Variants in GNB3 observed in about 807,000 individuals in gnomAD.
GNB3 encodes the protein G protein subunit beta 3.
In GNB3, 33 loss-of-function variants were observed where a neutral mutation model predicts 41.2. That is an observed-to-expected ratio of 0.80 (90% CI 0.61 to 1.07). The LOEUF (loss-of-function observed/expected upper bound fraction) is 1.07, where lower values mean the gene tolerates loss of function less well. Ranked by LOEUF, GNB3 falls within the 50% of genes least tolerant of loss-of-function variation. The pLI is 0.00. For missense variants in GNB3, 409 were observed against 455.3 expected, an observed-to-expected ratio of 0.90 and a Z score of 0.92; for synonymous variants, 172 against 173.4, an observed-to-expected ratio of 0.99 and a Z score of 0.06.
Position 6,846,993 on chromosome 12 carries a change from G to A in GNB3, c.*95G>A, listed in dbSNP as rs1211379502. ...TCAGGTGTTCTCTTCTATATTCCGG[G>A]TGCCATTCCCACTAAGCTTTCTCCT... On this transcript the variant is annotated 3_prime_UTR_variant, in exon 10 of 10. Coordinates refer to ENST00000229264, the MANE Select transcript of GNB3 (RefSeq NM_002075.4). The A allele has an allele frequency of 2.9e-5, 21 of 731,180 alleles. No individual in the cohort carries two copies. The highest frequency in any genetic ancestry group is 2.1e-4 in the Admixed American group (10 of 47,570). The allele number at this position is 731,180 out of a possible 1,614,324, so 45.3% of individuals were successfully genotyped here. A position where few individuals can be genotyped will look rare whatever the true frequency, so the allele number is the denominator to read the frequency against.
rs1040460845 is a variant in GNB3 at position 6,843,557 on chromosome 12, G to A, written c.430+32G>A. 2.4e-5 allele frequency: 39 copies of A among 1,613,220 alleles called. No homozygotes were observed. The highest frequency in any genetic ancestry group is 3.1e-5 in the Non-Finnish European group (36 of 1,179,156). ...GAGAGACCCTCTCCTCCCCTCCTGA[G>A]GGGTTCAGGGAACCCTGGGCTTCCA... On this transcript the variant is annotated intron_variant, in intron 6 of 9. Coordinates refer to ENST00000229264, the MANE Select transcript of GNB3 (RefSeq NM_002075.4). The surrounding 1 kb of genome is among the most constrained non-coding windows in gnomAD (Gnocchi z 5.9).
intron 1 of GNB3, 43 bp from the exon 2 acceptor site, chr12:6,841,215 C>A: frequency 7.7e-7 from 1 of 1,292,492 alleles, no homozygotes; most frequent in Non-Finnish European, 1.1e-6. Flanking sequence ...AGAAGCACAG[C>A]CTGGTGGGGG....
At position 6,844,105 on chromosome 12, in the gene GNB3, T is replaced by C. The variant is rs1265024554; in HGVS notation, c.699+127T>C. 11 of 626,774 alleles carry C rather than the reference T, an allele frequency of 1.8e-5. No individual in the cohort carries two copies. The Admixed American group carries it at 1.8e-4, about 10-fold the overall frequency. The allele number at this position is 626,774 out of a possible 1,614,324, so 38.8% of individuals were successfully genotyped here. A position where few individuals can be genotyped will look rare whatever the true frequency, so the allele number is the denominator to read the frequency against. Reference sequence around the variant, plus strand: ...CCTTTCTTACTGTATTTTTTTTTTTTTTTTTTTTTTTTTTGAGACAGAGTC... The same window carrying C: ...CCTTTCTTACTGTATTTTTTTTTTTCTTTTTTTTTTTTTTGAGACAGAGTC... On this transcript the variant is annotated intron_variant, in intron 8 of 9. Transcript: ENST00000229264.
In GNB3 at chr12:6,844,091, G is replaced by GTCTTTTTTTTTTTTTTTTTTTTTTTTTTT. The variant is rs1432718669; in HGVS notation, c.699+114_699+115insCTTTTTTTTTTTTTTTTTTTTTTTTTTTT. 4 of 253,438 alleles carry GTCTTTTTTTTTTTTTTTTTTTTTTTTTTT rather than the reference G, an allele frequency of 1.6e-5. 2 individuals are homozygous for GTCTTTTTTTTTTTTTTTTTTTTTTTTTTT. The highest frequency in any genetic ancestry group is 1.3e-4 in the Admixed American group (2 of 14,914). The allele number at this position is 253,438 out of a possible 1,614,324, so 15.7% of individuals were successfully genotyped here. ...ATAGCTTCCCTAGCCCTTTCTTACTGTATTTTTTTTTTTTTTTTTTTTTTT... is the reference window on the plus strand; with the variant it reads ...ATAGCTTCCCTAGCCCTTTCTTACTGTCTTTTTTTTTTTTTTTTTTTTTTTTTTTTATTTTTTTTTTTTTTTTTTTTTTT... On this transcript the variant is annotated intron_variant, in intron 8 of 9. Coordinates refer to ENST00000229264, the MANE Select transcript of GNB3 (RefSeq NM_002075.4).
Position 6,841,460 on chromosome 12 carries a change from T to C in GNB3, c.57+116T>C, listed in dbSNP as rs1943572560. 2.5e-6 allele frequency: 3 copies of C among 1,198,314 alleles called. No homozygotes were observed. The African/African-American group carries it at 4.6e-5, about 18-fold the overall frequency. The allele number at this position is 1,198,314 out of a possible 1,614,324, so 74.2% of individuals were successfully genotyped here. ...AGTGACTAGAAGTGACCAGGGACTT[T>C]CTAAACTTGGTTCGCATATTTGAGA... On this transcript the variant is annotated intron_variant, in intron 2 of 9. Coordinates refer to ENST00000229264, the MANE Select transcript of GNB3 (RefSeq NM_002075.4).
rs1943634895 is a variant in GNB3, at chr12:6,844,101, T to C, written c.699+123T>C. On this transcript the variant is annotated intron_variant, in intron 8 of 9. Transcript: ENST00000229264. ...TAGCCCTTTCTTACTGTATTTTTTT[T>C]TTTTTTTTTTTTTTTTTTGAGACAG... 28 of 605,374 alleles carry C rather than the reference T, an allele frequency of 4.6e-5. 2 individuals carry two copies. The highest frequency in any genetic ancestry group is 1.5e-4 in the South Asian group (6 of 40,548). The allele number at this position is 605,374 out of a possible 1,614,324, so 37.5% of individuals were successfully genotyped here.
intron 2 of GNB3, 46 bp from the exon 3 acceptor site, chr12:6,841,540 C>T (rs782311919): frequency 7.7e-6 from 12 of 1,548,390 alleles, no homozygotes; most frequent in Non-Finnish European, 8.9e-6. Context: ...ATGCACCTGC[C>T]ACCCCCACCT....
chr12:6,844,810 TTTTC>T (rs1288256768), intron 8 of GNB3: 2 of 152,228 alleles, frequency 1.3e-5, no homozygotes, highest in East Asian at 1.9e-4. Flanking sequence ...TAGATATACA[TTTTC>T]TTTCTGTGTC....
chr12:6,841,694 C>T (rs926859880), intron 3 of GNB3, 70 bp downstream of exon 3: 57 of 1,104,388 alleles, frequency 5.2e-5, no homozygotes, highest in African/African-American at 9.2e-5. Flanking sequence ...CCCGCAATAG[C>T]GCGTTGCTCC....
Position 6,841,977 on chromosome 12 carries a change from T to C in GNB3, c.96+353T>C, listed in dbSNP as rs1943585020. ...TATTTTGTCAATTCTAAGATGCACATTTCTTCACATTTTGACATCTCTGAA... is the reference window on the plus strand; with the variant it reads ...TATTTTGTCAATTCTAAGATGCACACTTCTTCACATTTTGACATCTCTGAA... On this transcript the variant is annotated intron_variant, in intron 3 of 9. Transcript: ENST00000229264. 3 of 398,842 alleles carry C rather than the reference T, an allele frequency of 7.5e-6. No homozygotes were observed. In the Admixed American group the frequency reaches 1.1e-4, roughly 15 times the overall value. 24.7% of individuals were successfully genotyped at this position (398,842 alleles called of 1,614,324 possible).
rs1943720659 is a variant in GNB3 at position 6,847,068 on chromosome 12, G to T, written c.*170G>T. ...CTGTGCCTTTGGGAGGCAGCATCAGGGACACAGGGGCAAAGAACTGCCCCA... is the reference window on the plus strand; with the variant it reads ...CTGTGCCTTTGGGAGGCAGCATCAGTGACACAGGGGCAAAGAACTGCCCCA... On this transcript the variant is annotated 3_prime_UTR_variant, in exon 10 of 10. Coordinates refer to ENST00000229264, the MANE Select transcript of GNB3 (RefSeq NM_002075.4). The T allele has an allele frequency of 1.0e-5, 6 of 587,588 alleles. No individual in the cohort carries two copies. The East Asian group carries it at 1.7e-4, about 17-fold the overall frequency. 36.4% of individuals were successfully genotyped at this position (587,588 alleles called of 1,614,324 possible).
Position 6,843,943 on chromosome 12 carries a change from TTC to T in GNB3, c.665_666del (p.Phe222TyrfsTer25). 1 of 1,613,674 alleles carries T rather than the reference TTC, an allele frequency of 6.2e-7. No homozygotes were observed. Among genetic ancestry groups the T allele is most frequent in the Middle Eastern group, 1.7e-4 (1 of 6,060 alleles). On this transcript the variant is annotated frameshift_variant, in exon 8 of 10. Transcript: ENST00000229264. LOFTEE classifies it high-confidence loss of function. This position sits in a 1 kb window ranked among gnomAD's most constrained non-coding sequence, Gnocchi z 5.9. ...DVREGTCRQT[F>X]TGHESDINAI... Reference sequence around the variant, plus strand: ...GCGAGAGGGGACCTGCCGTCAGACTTTCACTGGCCACGAGTCGGACATCAACG... The same window carrying T: ...GCGAGAGGGGACCTGCCGTCAGACTTACTGGCCACGAGTCGGACATCAACG...
chr12:6,845,990 G>A, intron 9 of GNB3, 188 bp downstream of exon 9: 1 of 593,160 alleles, frequency 1.7e-6, no homozygotes, highest in Admixed American at 2.8e-5. Flanking sequence ...CCTCAGTGTT[G>A]CTCTAAGCAG....
rs781879883 is a variant in GNB3, at chr12:6,846,950, T to G, written c.*52T>G. The G allele has an allele frequency of 8.1e-6, 8 of 993,190 alleles. No homozygotes were observed. Among genetic ancestry groups the G allele is most frequent in the Admixed American group, 6.0e-5 (3 of 50,090 alleles). The allele number at this position is 993,190 out of a possible 1,614,324, so 61.5% of individuals were successfully genotyped here. A position where few individuals can be genotyped will look rare whatever the true frequency, so the allele number is the denominator to read the frequency against. On this transcript the variant is annotated 3_prime_UTR_variant, in exon 10 of 10. Coordinates refer to ENST00000229264, the MANE Select transcript of GNB3 (RefSeq NM_002075.4). ...GCAGTGAACACACTCAGCAGCCCCCTGCCCGACCCCATCTCATTCAGGTGT... is the reference window on the plus strand; with the variant it reads ...GCAGTGAACACACTCAGCAGCCCCCGGCCCGACCCCATCTCATTCAGGTGT...
chr12:6,841,508 G>A, intron 2 of GNB3, 78 bp from the exon 3 acceptor site: 1 of 1,329,846 alleles, frequency 7.5e-7, no homozygotes, highest in African/African-American at 1.4e-5. Context: ...AGAGCCCCAA[G>A]ACCAACCTGC....
chr12:6,843,567 G>A lies in GNB3; in HGVS notation c.430+42G>A. ...CTCCTCCCCTCCTGAGGGGTTCAGG[G>A]AACCCTGGGCTTCCAGTGGGCTGTG... is the stretch of plus-strand genomic sequence containing the variant. On this transcript the variant is annotated intron_variant, in intron 6 of 9. Coordinates refer to ENST00000229264, the MANE Select transcript of GNB3 (RefSeq NM_002075.4). This position sits in a 1 kb window ranked among gnomAD's most constrained non-coding sequence, Gnocchi z 5.9. The A allele has an allele frequency of 6.2e-7, 1 of 1,613,140 alleles. No homozygotes were observed. The highest frequency in any genetic ancestry group is 1.1e-5 in the South Asian group (1 of 91,074).
In GNB3 at chr12:6,843,192, G is replaced by A. The variant is rs1943608495; in HGVS notation, c.222G>A (p.Ser74=). The A allele has an allele frequency of 1.4e-5, 23 of 1,613,964 alleles. No homozygotes were observed. The highest frequency in any genetic ancestry group is 1.9e-5 in the Non-Finnish European group (23 of 1,179,924). The change falls in exon 5 of 10, where the codon TCG becomes TCA. Residue 74 remains serine (S), a synonymous_variant. Transcript: ENST00000229264. This position sits in a 1 kb window ranked among gnomAD's most constrained non-coding sequence, Gnocchi z 5.9. ...TCCCCAGGCTGCTGGTAAGTGCCTC[G>A]CAAGATGGGAAGCTGATCGTGTGGG... is the stretch of plus-strand genomic sequence containing the variant. ...ATDSKLLVSA[S]QDGKLIVWDS...
intron 9 of GNB3, chr12:6,846,185 C>A: frequency 4.3e-6 from 1 of 232,204 alleles, no homozygotes. Flanking sequence ...GCCCTGACTG[C>A]AGCCTAGGGC....
rs1160300252 is a variant in GNB3 at position 6,844,205 on chromosome 12, A to T, written c.699+227A>T. On this transcript the variant is annotated intron_variant, in intron 8 of 9. Transcript: ENST00000229264. ...CAACCTCTGCCTCCTGGGTTGGAGC[A>T]ATTCTCCTGCTTCAGCCTCCTGAGT... Among the ~76,000 whole-genome samples, 3 of 145,466 alleles carry T rather than the reference A, an allele frequency of 2.1e-5. No homozygotes were observed. In the East Asian group the frequency reaches 6.2e-4, roughly 30 times the overall value.
Sources: allele counts gnomAD v4.1 joint callset (sites outside exome capture counted in the v4.1 genomes callset), GRCh38; gene constraint gnomAD v4.1.1; non-coding constraint Gnocchi (gnomAD v3.1); transcripts MANE v1.5; gene names NCBI Gene and HGNC (gene_info 2026-07-23, HGNC 2026-07-21).